Variants in NRXN3 observed in about 807,000 individuals in gnomAD.
NRXN3 encodes neurexin III.
NRXN3 carries 32 observed loss-of-function variants against 137.6 expected under a neutral mutation model. The observed-to-expected ratio is 0.23, with a 90% CI of 0.18 to 0.31. NRXN3 has a LOEUF of 0.31. NRXN3 is among the 10% of genes least tolerant of loss of function. The probability of loss-of-function intolerance (pLI) is 1.00; values close to 1 mark genes in which losing one functional copy is unlikely to be tolerated. For missense variants in NRXN3, 1,574 were observed against 2,062.5 expected (o/e 0.76, Z 4.59); for synonymous variants, 798 against 784.5 (o/e 1.02, Z -0.29).
chr14:78,768,634 GTT>G (rs1314683638), intron 8 of NRXN3, among the ~76,000 whole-genome samples: 1 of 152,118 alleles, frequency 6.6e-6, no homozygotes, highest in Non-Finnish European at 1.5e-5. Context: ...TGTGTAAATA[GTT>G]CCTTATGTCA....
At chr14:78,244,262 T>C (rs2067368781) in intron 2 of NRXN3, among the ~76,000 whole-genome samples, 1 of 152,004 alleles carries the variant, frequency 6.6e-6, no homozygotes. Flanking sequence ...AAACCCTGTC[T>C]CTACTAAAAA....
At chr14:79,683,552 G>C (rs1038206443) in intron 17 of NRXN3, among the ~76,000 whole-genome samples, 1 of 152,156 alleles carries the variant, frequency 6.6e-6, no homozygotes, top group African/African-American at 2.4e-5. Flanking sequence ...TGTAAAGTTT[G>C]AGGTAAACTA....
rs112504220 is a variant in NRXN3 at position 79,493,260 on chromosome 14, A to T, written c.3444+25858A>T. On this transcript the variant is annotated intron_variant, in intron 16 of 20. Coordinates refer to ENST00000335750, the MANE Select transcript of NRXN3 (RefSeq NM_001330195.2). ...TGGGGCTTTAGGGAAATTGAGAGAGATTTCTTTTCTTCCCCCTCCACAAAA... is the reference window on the plus strand; with the variant it reads ...TGGGGCTTTAGGGAAATTGAGAGAGTTTTCTTTTCTTCCCCCTCCACAAAA... Among the ~76,000 whole-genome samples the T allele has an allele frequency of 5.3e-5, 8 of 152,328 alleles. 2 individuals carry two copies. Among genetic ancestry groups the T allele is most frequent in the African/African-American group, 1.9e-4 (8 of 41,584 alleles).
At chr14:78,438,992 G>A (rs1041354529) in intron 4 of NRXN3, among the ~76,000 whole-genome samples, 1 of 151,920 alleles carries the variant, frequency 6.6e-6, no homozygotes, top group Non-Finnish European at 1.5e-5. Context: ...AATGAGAGTC[G>A]CAAGTGGAGG....
intron 20 of NRXN3, among the ~76,000 whole-genome samples, chr14:79,817,070 A>T (rs1056520622): frequency 9.9e-5 from 15 of 150,880 alleles, no homozygotes; most frequent in South Asian, 2.1e-4. Flanking sequence ...AATTATTATT[A>T]TTTTTTTTTG....
intron 16 of NRXN3, among the ~76,000 whole-genome samples, chr14:79,646,681 G>A (rs1320018482): frequency 7.4e-6 from 1 of 135,472 alleles, no homozygotes; most frequent in African/African-American, 2.5e-5. Context: ...GTGGTGGCAG[G>A]ATTGTCTGAA....
At chr14:78,402,735 C>G (rs1383980210) in intron 4 of NRXN3, among the ~76,000 whole-genome samples, 1 of 152,174 alleles carries the variant, frequency 6.6e-6, no homozygotes, top group Non-Finnish European at 1.5e-5. Flanking sequence ...CCTAGTATCT[C>G]TAACATCACC....
chr14:79,463,014 C>G (rs1567193942), intron 15 of NRXN3, among the ~76,000 whole-genome samples: 1 of 151,662 alleles, frequency 6.6e-6, no homozygotes, highest in African/African-American at 2.4e-5. Flanking sequence ...TGCTATTTGG[C>G]TATAAGACTG....
At chr14:79,286,086 T>C (rs1414688466) in intron 15 of NRXN3, among the ~76,000 whole-genome samples, 1 of 152,198 alleles carries the variant, frequency 6.6e-6, no homozygotes, top group Non-Finnish European at 1.5e-5. Flanking sequence ...GTTTTCTTTC[T>C]TCTCAGTTTA....
intron 4 of NRXN3, among the ~76,000 whole-genome samples, chr14:78,451,637 A>G (rs1016025817): frequency 1.3e-5 from 2 of 152,228 alleles, no homozygotes; most frequent in Non-Finnish European, 2.9e-5. Flanking sequence ...GAAAGACTGT[A>G]ATAAACGAAC....
chr14:78,496,880 C>G (rs2095794576), intron 4 of NRXN3, among the ~76,000 whole-genome samples: 1 of 152,022 alleles, frequency 6.6e-6, no homozygotes, highest in Non-Finnish European at 1.5e-5. Context: ...AGGACTCCAA[C>G]TTGTACTTTG....
chr14:78,181,640 T>A (rs1488070920), intron 1 of NRXN3, among the ~76,000 whole-genome samples: 1 of 151,924 alleles, frequency 6.6e-6, no homozygotes, highest in African/African-American at 2.4e-5. Flanking sequence ...GCCTTCTCAG[T>A]TTAAAAAAAA....
At chr14:78,974,657 G>A (rs1021392331) in intron 14 of NRXN3, among the ~76,000 whole-genome samples, 2 of 152,082 alleles carry the variant, frequency 1.3e-5, no homozygotes. Context: ...TGACTTGACA[G>A]TCTCTTTGTT....
At chr14:79,149,383 G>C (rs2059593698) in intron 15 of NRXN3, among the ~76,000 whole-genome samples, 1 of 151,646 alleles carries the variant, frequency 6.6e-6, no homozygotes, top group Non-Finnish European at 1.5e-5. Flanking sequence ...AGGTAGGCTT[G>C]AGAAAGCACT....
intron 16 of NRXN3, among the ~76,000 whole-genome samples, chr14:79,474,180 A>G (rs2096539458): frequency 6.6e-6 from 1 of 152,168 alleles, no homozygotes; most frequent in Non-Finnish European, 1.5e-5. Context: ...AAGTCATTCT[A>G]CTACTTGGAG....
chr14:79,370,489 T>C (rs1295016847), intron 15 of NRXN3, among the ~76,000 whole-genome samples: 1 of 152,038 alleles, frequency 6.6e-6, no homozygotes, highest in African/African-American at 2.4e-5. Context: ...TGGCTAATTT[T>C]GTTTTTTTAG....
intron 20 of NRXN3, among the ~76,000 whole-genome samples, chr14:79,827,405 G>A (rs2099308232): frequency 6.6e-6 from 1 of 152,130 alleles, no homozygotes. Context: ...GCCATTTCTG[G>A]GAGAGAGTTA....
chr14:78,174,118 A>AT (rs1261238599), intron 1 of NRXN3, among the ~76,000 whole-genome samples: 9 of 152,162 alleles, frequency 5.9e-5, no homozygotes, highest in Non-Finnish European at 8.8e-5. Flanking sequence ...GAATGGGGGT[A>AT]GATAACATTA....
intron 8 of NRXN3, among the ~76,000 whole-genome samples, chr14:78,789,266 G>C (rs2098798351): frequency 6.6e-6 from 1 of 152,096 alleles, no homozygotes; most frequent in South Asian, 2.1e-4. Context: ...GTGCTTTTTA[G>C]AGTCATCTAT....
Sources: gnomAD v4.1 joint callset for allele counts (sites outside exome capture counted in the v4.1 genomes callset) on GRCh38, gnomAD v4.1.1 for gene constraint, MANE v1.5 for transcripts, NCBI Gene and HGNC (gene_info 2026-07-23, HGNC 2026-07-21) for gene names.